N4BP2L2: variants seen among roughly 807,000 people sequenced by gnomAD.
N4BP2L2 encodes NEDD4-binding protein 2-like 2.
N4BP2L2 carries 50 observed loss-of-function variants against 56.2 expected under a neutral mutation model. The ratio of observed to expected loss-of-function variants is 0.89; its 90% CI spans 0.71 to 1.13. The LOEUF (loss-of-function observed/expected upper bound fraction) is 1.13. Among genes scored for constraint, N4BP2L2 ranks in the 50% most tolerant of loss-of-function variants. The pLI is 0.00. For missense variants in N4BP2L2, 689 were observed against 693.8 expected, an observed-to-expected ratio of 0.99 and a Z score of 0.08; for synonymous variants, 203 against 223.6, an observed-to-expected ratio of 0.91 and a Z score of 0.82.
intron 2 of N4BP2L2, among the ~76,000 whole-genome samples, chr13:32,529,750 G>C (rs2054133424): frequency 6.9e-6 from 1 of 145,886 alleles, no homozygotes. Flanking sequence ...TTTTAGACAA[G>C]AGTCCGACTC....
chr13:32,452,606 A>G (rs2078279683), intron 6 of N4BP2L2, among the ~76,000 whole-genome samples: 1 of 152,228 alleles, frequency 6.6e-6, no homozygotes, highest in Non-Finnish European at 1.5e-5. Flanking sequence ...AGGTTAAAGG[A>G]TAAAACACAT....
chr13:32,449,970 C>A (rs2077647633), intron 6 of N4BP2L2, among the ~76,000 whole-genome samples: 1 of 152,202 alleles, frequency 6.6e-6, no homozygotes, highest in South Asian at 2.1e-4. Flanking sequence ...CCATCTTTCT[C>A]AGAGATTAAA....
intron 6 of N4BP2L2, among the ~76,000 whole-genome samples, chr13:32,453,942 G>T (rs1289515212): frequency 6.6e-6 from 1 of 152,132 alleles, no homozygotes; most frequent in Non-Finnish European, 1.5e-5. Flanking sequence ...ACTGTCAGTT[G>T]GGGTAAGGCA....
chr13:32,477,731 A>C, intron 6 of N4BP2L2: 1 of 492,770 alleles, frequency 2.0e-6, no homozygotes, highest in South Asian at 2.1e-5. Flanking sequence ...CTTAGCTTAG[A>C]TGGAACCTTG....
At chr13:32,510,995 T>C (rs1239337791) in exon 6 of N4BP2L2, 1 of 149,978 alleles carries the variant, frequency 6.7e-6, no homozygotes, top group Admixed American at 6.6e-5. Context: ...AAGATAACTA[T>C]GTGGTTAAAA....
chr13:32,477,164 G>T, intron 6 of N4BP2L2: 1 of 546,084 alleles, frequency 1.8e-6, no homozygotes, highest in South Asian at 1.7e-5. Context: ...TGAGCAGTCT[G>T]AGATCTACTC....
At chr13:32,438,514 A>G (rs978586205) in intron 8 of N4BP2L2, 7 of 597,510 alleles carry the variant, frequency 1.2e-5, no homozygotes, top group South Asian at 4.3e-5. Context: ...CAGGAGAATT[A>G]CTTGAACCCA....
intron 6 of N4BP2L2, chr13:32,477,992 A>C (rs530431579): frequency 3.1e-4 from 405 of 1,289,370 alleles, no homozygotes; most frequent in Non-Finnish European, 2.9e-4. Context: ...TCATTGTCTG[A>C]CATACTGGTG....
At chr13:32,480,760 T>A (rs2084484917) in intron 6 of N4BP2L2, 1 of 467,256 alleles carries the variant, frequency 2.1e-6, no homozygotes, top group African/African-American at 2.1e-5. Flanking sequence ...GAAGAACTCA[T>A]AGAGTGTGAT....
chr13:32,463,914 T>A (rs1359646202), intron 6 of N4BP2L2, among the ~76,000 whole-genome samples: 1 of 17,272 alleles, frequency 5.8e-5, no homozygotes, highest in African/African-American at 2.6e-4. Context: ...TACCTGCCCA[T>A]GACCAAAAAA....
At chr13:32,517,424 A>T in exon 6 of N4BP2L2, 1 of 998,578 alleles carries the variant, frequency 1.0e-6, no homozygotes, top group African/African-American at 1.7e-5. Flanking sequence ...AGTGAAGGAA[A>T]AACCGTAAAG....
chr13:32,538,515 C>T, intron 1 of N4BP2L2, 103 bp downstream of exon 1: 1 of 683,494 alleles, frequency 1.5e-6, no homozygotes, highest in Non-Finnish European at 1.8e-6. Context: ...TCACACAGAG[C>T]TTACGTCTAC....
chr13:32,484,248 G>T (rs1005622437), intron 6 of N4BP2L2, among the ~76,000 whole-genome samples: 1 of 152,004 alleles, frequency 6.6e-6, no homozygotes, highest in Non-Finnish European at 1.5e-5. Flanking sequence ...GATTGCTTCA[G>T]CCTAGGAGGT....
intron 6 of N4BP2L2, among the ~76,000 whole-genome samples, chr13:32,495,958 C>T (rs2088494873): frequency 6.6e-6 from 1 of 152,136 alleles, no homozygotes; most frequent in Non-Finnish European, 1.5e-5. Context: ...GCTGGGATTA[C>T]AGGCATGAAC....
chr13:32,505,359 C>T (rs1035052466), downstream of N4BP2L2: 25 of 152,186 alleles, frequency 1.6e-4, 1 homozygote, highest in African/African-American at 5.6e-4. Context: ...TGATTGGATC[C>T]ACAAGTCACA....
At chr13:32,446,893 T>C (rs2077132562) in intron 6 of N4BP2L2, among the ~76,000 whole-genome samples, 1 of 152,200 alleles carries the variant, frequency 6.6e-6, no homozygotes, top group Non-Finnish European at 1.5e-5. Flanking sequence ...TTTAACCCCA[T>C]CTTACAAAGA....
At chr13:32,439,895 G>A (rs1461869404) in intron 7 of N4BP2L2, among the ~76,000 whole-genome samples, 42 of 150,860 alleles carry the variant, frequency 2.8e-4, no homozygotes, top group African/African-American at 9.5e-4. Context: ...GCGCAGTGGC[G>A]GGCACCTGTA....
rs950979949 is a variant in N4BP2L2, at chr13:32,433,547, C to T, written c.*22-575G>A. 4.0e-5 allele frequency among the ~76,000 whole-genome samples: 6 copies of T among 151,824 alleles called. No individual in the cohort carries two copies. The South Asian group carries it at 6.2e-4, about 16-fold the overall frequency. On this transcript the variant is annotated intron_variant, in intron 9 of 9. Coordinates refer to the N4BP2L2 transcript ENST00000357505. ...ATTCAGGAGGCTGAGGTAGGAGAAT[C>T]GCTTGAACCTGGGAGGTGGAGGTTG...
intron 6 of N4BP2L2, among the ~76,000 whole-genome samples, chr13:32,444,551 GC>G (rs2076757561): frequency 1.3e-5 from 2 of 152,194 alleles, no homozygotes; most frequent in South Asian, 4.1e-4. Flanking sequence ...ACAGGCATGA[GC>G]CACTGCGCTG....
Sources: gnomAD v4.1 joint callset for allele counts (sites outside exome capture counted in the v4.1 genomes callset) on GRCh38, gnomAD v4.1.1 for gene constraint, MANE v1.5 for transcripts, NCBI Gene and HGNC (gene_info 2026-07-23, HGNC 2026-07-21) for gene names.